Variants in GMDS observed in about 807,000 individuals in gnomAD.
The protein encoded by GMDS is GDP-mannose 4,6 dehydratase.
A neutral mutation model predicts 49.9 loss-of-function variants in GMDS; 20 were observed. The ratio of observed to expected loss-of-function variants is 0.40; its 90% CI spans 0.28 to 0.58. The LOEUF (loss-of-function observed/expected upper bound fraction) is 0.58. Ranked by LOEUF, GMDS falls within the 20% of genes least tolerant of loss-of-function variation. GMDS has a pLI of 0.42. For synonymous variants in GMDS, 177 were observed against 178.6 expected (o/e 0.99, Z 0.07); for missense variants, 362 against 481.4 (o/e 0.75, Z 2.32).
intron 7 of GMDS, among the ~76,000 whole-genome samples, chr6:1,807,435 T>C (rs1581204089): frequency 6.6e-6 from 1 of 152,284 alleles, no homozygotes; most frequent in East Asian, 1.9e-4. Context: ...TGACGGATTG[T>C]TACTCTCATA....
intron 9 of GMDS, among the ~76,000 whole-genome samples, chr6:1,710,665 C>G (rs1015357088): frequency 6.6e-6 from 1 of 152,212 alleles, no homozygotes; most frequent in Non-Finnish European, 1.5e-5. Context: ...ACTACCTAGG[C>G]ACAAAAATCT....
chr6:1,938,516 TA>T (rs1291814486), intron 6 of GMDS, among the ~76,000 whole-genome samples: 1 of 152,240 alleles, frequency 6.6e-6, no homozygotes, highest in Non-Finnish European at 1.5e-5. Flanking sequence ...CAGTTTCTGC[TA>T]GGAAGAAGTG....
intron 7 of GMDS, among the ~76,000 whole-genome samples, chr6:1,812,423 AC>A (rs1770470499): frequency 6.6e-6 from 1 of 152,094 alleles, no homozygotes; most frequent in Non-Finnish European, 1.5e-5. Context: ...AGTAGAGCAA[AC>A]CAGAGGTTCC....
rs551786513 is a variant in GMDS at position 2,143,965 on chromosome 6, A to ATGCCT, written c.103-19239_103-19235dup. 6.3e-3 allele frequency among the ~76,000 whole-genome samples: 963 copies of ATGCCT among 152,312 alleles called. 11 individuals are homozygous for ATGCCT. The highest frequency in any genetic ancestry group is 0.022 in the African/African-American group (923 of 41,570). Reference sequence around the variant, plus strand: ...TAGGAAGTGGTCCAAGGTTACAGAGATGCCTTGCCTTCAAAAAACAGCAAT... The same window carrying ATGCCT: ...TAGGAAGTGGTCCAAGGTTACAGAGATGCCTTGCCTTGCCTTCAAAAAACAGCAAT... On this transcript the variant is annotated intron_variant, in intron 1 of 10. Coordinates refer to ENST00000380815, the MANE Select transcript of GMDS (RefSeq NM_001500.4).
intron 1 of GMDS, among the ~76,000 whole-genome samples, chr6:2,239,033 A>C (rs1284060516): frequency 1.3e-5 from 2 of 152,172 alleles, no homozygotes; most frequent in African/African-American, 4.8e-5. Context: ...TTCATTTAAA[A>C]AAAAAACTAT....
At position 1,931,231 on chromosome 6, in the gene GMDS, T is replaced by C. The variant is rs574824933; in HGVS notation, c.644-1001A>G. 2.6e-5 allele frequency among the ~76,000 whole-genome samples: 4 copies of C among 152,346 alleles called. No homozygotes were observed. The East Asian group carries it at 7.7e-4, about 29-fold the overall frequency. The stretch of plus-strand genomic sequence containing the variant: ...TACCAATGACTTTAACTATGTTCTT[T>C]TGCAGATGAAGCAGGGAGGCAAATA... On this transcript the variant is annotated intron_variant, in intron 6 of 10. Coordinates refer to ENST00000380815, the MANE Select transcript of GMDS (RefSeq NM_001500.4).
chr6:1,764,648 C>T (rs1490194609), intron 7 of GMDS, among the ~76,000 whole-genome samples: 2 of 152,162 alleles, frequency 1.3e-5, no homozygotes, highest in African/African-American at 2.4e-5. Flanking sequence ...CGCTCCGTAA[C>T]GATCGTCAAG....
At chr6:1,797,568 A>C (rs899247563) in intron 7 of GMDS, among the ~76,000 whole-genome samples, 2 of 152,250 alleles carry the variant, frequency 1.3e-5, no homozygotes, top group Admixed American at 1.3e-4. Context: ...ATTTTAAAAT[A>C]GTCACAGTCC....
chr6:2,001,992 T>C lies in GMDS; in HGVS notation c.346-41026A>G, dbSNP rs147774939. Among the ~76,000 whole-genome samples, 65 of 152,314 alleles carry C rather than the reference T, an allele frequency of 4.3e-4. No homozygotes were observed. In the East Asian group the frequency reaches 0.013, roughly 29 times the overall value. The stretch of plus-strand genomic sequence containing the variant: ...TGTGGCTTTACTATTCCAATTTTAT[T>C]TTGCTTCATCAATTTGCTGGCTGAA... On this transcript the variant is annotated intron_variant, in intron 4 of 10. Transcript: ENST00000380815.
intron 4 of GMDS, among the ~76,000 whole-genome samples, chr6:1,970,987 AG>A: frequency 3.7e-5 from 1 of 26,668 alleles, no homozygotes; most frequent in East Asian, 7.5e-4. Context: ...GGGGGTGGGC[AG>A]GGGTGGGGGA....
At chr6:1,808,631 A>G (rs994281860) in intron 7 of GMDS, among the ~76,000 whole-genome samples, 2 of 152,248 alleles carry the variant, frequency 1.3e-5, no homozygotes, top group African/African-American at 4.8e-5. Context: ...AGGTACATAC[A>G]TACAATGGTT....
At chr6:2,216,896 C>A (rs1015067981) in intron 1 of GMDS, among the ~76,000 whole-genome samples, 1 of 152,202 alleles carries the variant, frequency 6.6e-6, no homozygotes, top group Non-Finnish European at 1.5e-5. Flanking sequence ...AACCCCTTTT[C>A]GCAGCCAACT....
intron 7 of GMDS, among the ~76,000 whole-genome samples, chr6:1,852,422 G>A (rs553796773): frequency 1.3e-5 from 2 of 152,220 alleles, no homozygotes; most frequent in African/African-American, 4.8e-5. Context: ...GGCAGTTGAG[G>A]TGCATATGAA....
intron 4 of GMDS, among the ~76,000 whole-genome samples, chr6:2,088,374 C>T (rs1472653411): frequency 1.3e-5 from 2 of 152,086 alleles, no homozygotes; most frequent in African/African-American, 2.4e-5. Flanking sequence ...ATCTGCTTTG[C>T]CTGTATCATA....
intron 1 of GMDS, among the ~76,000 whole-genome samples, chr6:2,194,003 G>A (rs1358695815): frequency 6.6e-6 from 1 of 151,406 alleles, no homozygotes; most frequent in African/African-American, 2.4e-5. Flanking sequence ...TTACAGGCGT[G>A]AGCCACCGCG....
intron 6 of GMDS, among the ~76,000 whole-genome samples, chr6:1,932,461 G>C (rs1478227394): frequency 6.6e-6 from 1 of 151,788 alleles, no homozygotes; most frequent in Non-Finnish European, 1.5e-5. Flanking sequence ...TGTCGTGCTA[G>C]AAAGGTGGAT....
chr6:1,778,988 C>T lies in GMDS; in HGVS notation c.772-36402G>A, dbSNP rs1013163400. On this transcript the variant is annotated intron_variant, in intron 7 of 10. Transcript: ENST00000380815. The surrounding 1 kb of genome is among the most constrained non-coding windows in gnomAD (Gnocchi z 4.6). ...CCATCATCTCGCAGTGCTGGCGTGG[C>T]CTCCCATGCTGATCCCTGGACCAGT... is the stretch of plus-strand genomic sequence containing the variant. Among the ~76,000 whole-genome samples the T allele has an allele frequency of 6.6e-6, 1 of 152,152 alleles. No homozygotes were observed. The highest frequency in any genetic ancestry group is 1.5e-5 in the Non-Finnish European group (1 of 68,026).
chr6:1,711,312 T>A (rs1765954308), intron 9 of GMDS, among the ~76,000 whole-genome samples: 2 of 152,072 alleles, frequency 1.3e-5, no homozygotes, highest in African/African-American at 4.8e-5. Context: ...ACCGCTCAAG[T>A]GGTTTGAGGA....
chr6:2,198,179 T>A (rs942916100), intron 1 of GMDS, among the ~76,000 whole-genome samples: 1 of 152,176 alleles, frequency 6.6e-6, no homozygotes, highest in African/African-American at 2.4e-5. Context: ...TAACGAAGAA[T>A]GCAGAACTTG....
Sources: gnomAD v4.1 joint callset for allele counts (sites outside exome capture counted in the v4.1 genomes callset) on GRCh38, gnomAD v4.1.1 for gene constraint, Gnocchi (gnomAD v3.1) non-coding constraint, MANE v1.5 for transcripts, NCBI Gene and HGNC (gene_info 2026-07-23, HGNC 2026-07-21) for gene names.